Variants in KIF18A observed in about 807,000 individuals in gnomAD.
KIF18A encodes kinesin family member 18A.
In KIF18A, 67 loss-of-function variants were observed where a neutral mutation model predicts 103.3. The ratio of observed to expected loss-of-function variants is 0.65; its 90% CI spans 0.53 to 0.79. The LOEUF (loss-of-function observed/expected upper bound fraction) is 0.79, where lower values mean the gene tolerates loss of function less well. Among genes scored for constraint, KIF18A ranks in the 30% least tolerant of loss-of-function variants. The pLI is 0.00. For synonymous variants in KIF18A, 367 were observed against 355.5 expected (o/e 1.03, Z -0.36); for missense variants, 1,032 against 1,062.5 (o/e 0.97, Z 0.40).
intron 13 of KIF18A, among the ~76,000 whole-genome samples, chr11:28,044,792 C>CATT (rs34513281): frequency 0.29 from 44,130 of 151,726 alleles, 7,230 homozygotes; most frequent in African/African-American, 0.44. Context: ...ATATTTTCAT[C>CATT]AATAACCCAG....
intron 13 of KIF18A, among the ~76,000 whole-genome samples, chr11:28,054,395 G>C (rs1850751997): frequency 6.6e-6 from 1 of 152,022 alleles, no homozygotes; most frequent in Non-Finnish European, 1.5e-5. Flanking sequence ...ATTTTTTGTA[G>C]AGACAGGGTT....
At chr11:28,078,097 A>G (rs1851119049) in intron 9 of KIF18A, among the ~76,000 whole-genome samples, 1 of 152,188 alleles carries the variant, frequency 6.6e-6, no homozygotes, top group African/African-American at 2.4e-5. Context: ...AAAATAAAGT[A>G]AAATCAAGTA....
At chr11:28,086,087 G>A (rs1851225434) in intron 6 of KIF18A, among the ~76,000 whole-genome samples, 1 of 151,994 alleles carries the variant, frequency 6.6e-6, no homozygotes, top group African/African-American at 2.4e-5. Context: ...TAACAATAGG[G>A]AAAACCAGGT....
At chr11:28,070,207 G>C (rs1188243035) in intron 10 of KIF18A, among the ~76,000 whole-genome samples, 7 of 151,662 alleles carry the variant, frequency 4.6e-5, no homozygotes, top group Non-Finnish European at 1.0e-4. Context: ...CTGGAAGCAG[G>C]AAATCAAAAA....
At chr11:28,079,617 C>A (rs1432239586) in intron 9 of KIF18A, among the ~76,000 whole-genome samples, 2 of 152,072 alleles carry the variant, frequency 1.3e-5, no homozygotes, top group South Asian at 4.1e-4. Flanking sequence ...GTTGGTTTCT[C>A]ATACTAATAA....
chr11:28,069,591 T>C (rs1421192930), intron 10 of KIF18A, among the ~76,000 whole-genome samples, 168 bp from the exon 11 acceptor site: 1 of 152,172 alleles, frequency 6.6e-6, no homozygotes, highest in Non-Finnish European at 1.5e-5. Flanking sequence ...TACTACTGCT[T>C]GCAAGAAAAT....
intron 16 of KIF18A, among the ~76,000 whole-genome samples, chr11:28,021,697 A>G (rs1034947031): frequency 6.6e-6 from 1 of 152,182 alleles, no homozygotes; most frequent in African/African-American, 2.4e-5. Context: ...TTTTAAAATT[A>G]TCATTTGCAT....
intron 15 of KIF18A, among the ~76,000 whole-genome samples, chr11:28,030,258 T>A (rs1230653630): frequency 6.6e-6 from 1 of 151,268 alleles, no homozygotes; most frequent in Non-Finnish European, 1.5e-5. Flanking sequence ...ACTGGAGGCA[T>A]CACGCTACCT....
At position 28,101,146 on chromosome 11, in the gene KIF18A, C is replaced by T. The variant is rs140159434; in HGVS notation, c.-46-3153G>A. On this transcript the variant is annotated intron_variant, in intron 1 of 16. Transcript: ENST00000263181. ...CCAATTCTTCCTTGCTTAGAACTGC[C>T]CTGTTATAGGGCATTTAGAACTGCC... Among the ~76,000 whole-genome samples the T allele has an allele frequency of 2.9e-3, 436 of 152,080 alleles. 1 individual carries two copies. The highest frequency in any genetic ancestry group is 5.0e-3 in the Non-Finnish European group (339 of 67,960).
At chr11:28,070,972 C>G (rs1270730412) in intron 10 of KIF18A, among the ~76,000 whole-genome samples, 1 of 152,212 alleles carries the variant, frequency 6.6e-6, no homozygotes, top group Non-Finnish European at 1.5e-5. Flanking sequence ...GGGAGCATCA[C>G]TTGAGTCCGG....
At chr11:28,079,524 T>C (rs529923271) in intron 9 of KIF18A, among the ~76,000 whole-genome samples, 189 of 152,250 alleles carry the variant, frequency 1.2e-3, no homozygotes, top group Non-Finnish European at 2.2e-3. Context: ...GACTATAATC[T>C]TGTTTTCCTT....
At chr11:28,059,736 G>T (rs981195199) in intron 12 of KIF18A, among the ~76,000 whole-genome samples, 2 of 152,008 alleles carry the variant, frequency 1.3e-5, no homozygotes, top group African/African-American at 4.8e-5. Context: ...CTAGCTAAAT[G>T]AATTAAATGT....
At position 28,043,702 on chromosome 11, in the gene KIF18A, AC is replaced by A. The variant is rs1850592608; in HGVS notation, c.1949-7039del. Among the ~76,000 whole-genome samples the A allele has an allele frequency of 2.0e-5, 3 of 151,838 alleles. 1 individual carries two copies. Among genetic ancestry groups the A allele is most frequent in the Non-Finnish European group, 4.4e-5 (3 of 67,928 alleles). ...TGACAAAACAAAAACAAAAACAAAA[AC>A]AAAAACCAAATCAAAGCGCACAAAC... is the stretch of plus-strand genomic sequence containing the variant. On this transcript the variant is annotated intron_variant, in intron 13 of 16. Coordinates refer to ENST00000263181, the MANE Select transcript of KIF18A (RefSeq NM_031217.4).
In KIF18A at chr11:28,021,142, T is replaced by C; in HGVS notation, c.*58A>G. 2.1e-6 allele frequency: 3 copies of C among 1,411,816 alleles called. No homozygotes were observed. The highest frequency in any genetic ancestry group is 2.8e-6 in the Non-Finnish European group (3 of 1,074,264). The allele number at this position is 1,411,816 out of a possible 1,614,324, so 87.5% of individuals were successfully genotyped here. ...TTTTAAATATATTTTTGAAAGGGTATTGATAAACTTTGAAAAGCAGATTTG... is the reference window on the plus strand; with the variant it reads ...TTTTAAATATATTTTTGAAAGGGTACTGATAAACTTTGAAAAGCAGATTTG... On this transcript the variant is annotated 3_prime_UTR_variant, in exon 17 of 17. Coordinates refer to ENST00000263181, the MANE Select transcript of KIF18A (RefSeq NM_031217.4).
rs760108280 is a variant in KIF18A at position 28,084,662 on chromosome 11, A to G, written c.1044T>C (p.Tyr348=). ...FYDDTYNTLK[Y]ANRAKDIKSS... is the part of the protein sequence containing the mutation. ...ATTTAATGTCCTTTGCCCGGTTAGCATACTTAAGAGTGTTATATGTGTCAT... is the reference window on the plus strand; with the variant it reads ...ATTTAATGTCCTTTGCCCGGTTAGCGTACTTAAGAGTGTTATATGTGTCAT... Residue 348 remains tyrosine (Y), a synonymous_variant, in exon 7 of 17, where the codon TAT becomes TAC. Transcript: ENST00000263181. The G allele has an allele frequency of 4.0e-5, 64 of 1,612,316 alleles. No homozygotes were observed. The highest frequency in any genetic ancestry group is 5.2e-5 in the Non-Finnish European group (61 of 1,178,786).
intron 13 of KIF18A, among the ~76,000 whole-genome samples, chr11:28,054,385 A>G (rs910150147): frequency 6.6e-6 from 1 of 151,936 alleles, no homozygotes; most frequent in African/African-American, 2.4e-5. Flanking sequence ...CAAGTTTTGT[A>G]TTTTTTGTAG....
At chr11:28,102,054 T>C (rs1214967844) in intron 1 of KIF18A, among the ~76,000 whole-genome samples, 1 of 152,180 alleles carries the variant, frequency 6.6e-6, no homozygotes, top group African/African-American at 2.4e-5. Context: ...TTGCCAAGCC[T>C]TGAAATTGCC....
intron 11 of KIF18A, among the ~76,000 whole-genome samples, chr11:28,062,865 G>A (rs550581349): frequency 8.5e-5 from 13 of 152,088 alleles, no homozygotes; most frequent in Admixed American, 1.3e-4. Context: ...CTTGAGCATT[G>A]TATTTGGATA....
At chr11:28,057,702 T>C (rs1244320331) in intron 13 of KIF18A, among the ~76,000 whole-genome samples, 1 of 152,002 alleles carries the variant, frequency 6.6e-6, no homozygotes, top group East Asian at 1.9e-4. Context: ...ACCTGGCAAA[T>C]CAGCTTCTAG....
Sources: gnomAD v4.1 joint callset for allele counts (sites outside exome capture counted in the v4.1 genomes callset) on GRCh38, gnomAD v4.1.1 for gene constraint, MANE v1.5 for transcripts, NCBI Gene and HGNC (gene_info 2026-07-23, HGNC 2026-07-21) for gene names.